ABCB8: variants seen among roughly 807,000 people sequenced by gnomAD.
The protein encoded by ABCB8 is mitochondrial potassium channel ATP-binding subunit.
ABCB8 carries 52 observed loss-of-function variants against 73.0 expected under a neutral mutation model. The ratio of observed to expected loss-of-function variants is 0.71; its 90% CI spans 0.57 to 0.90. The LOEUF is 0.90. ABCB8 is among the 40% of genes least tolerant of loss of function. The pLI is 0.00. For missense variants in ABCB8, 909 were observed against 974.6 expected, an observed-to-expected ratio of 0.93 and a Z score of 0.90; for synonymous variants, 428 against 423.5, an observed-to-expected ratio of 1.01 and a Z score of -0.13.
intron 14 of ABCB8, among the ~76,000 whole-genome samples, chr7:151,042,659 C>T (rs1796499802): frequency 6.6e-6 from 1 of 152,250 alleles, no homozygotes; most frequent in African/African-American, 2.4e-5. Context: ...CACCTTGCAG[C>T]TTGACGTGCG....
chr7:151,031,416 CAG>C (rs1796159246), intron 1 of ABCB8: 3 of 1,309,214 alleles, frequency 2.3e-6, no homozygotes, highest in Non-Finnish European at 3.1e-6. Context: ...TTCCTGAAAG[CAG>C]GGGAAGGATG....
At chr7:151,031,906 G>A (rs746465137) in intron 1 of ABCB8, among the ~76,000 whole-genome samples, 2 of 152,140 alleles carry the variant, frequency 1.3e-5, no homozygotes, top group Admixed American at 6.5e-5. Context: ...GAGCCACTGC[G>A]CCCGGCCATG....
At chr7:151,033,581 A>C in intron 1 of ABCB8, 24 bp from the exon 2 acceptor site, 1 of 1,532,190 alleles carries the variant, frequency 6.5e-7, no homozygotes, top group Non-Finnish European at 8.8e-7. Flanking sequence ...GCCTCAAGCC[A>C]TCCATGCCTC....
At chr7:151,037,771 G>C (rs1447569947) in intron 9 of ABCB8, 1 of 204,522 alleles carries the variant, frequency 4.9e-6, no homozygotes, top group East Asian at 1.3e-4. Flanking sequence ...CTCACTGCAG[G>C]GTGTACTGTC....
At position 151,045,694 on chromosome 7, in the gene ABCB8, CA is replaced by C; in HGVS notation, c.*346del. ...GACGTTCTGGCCAGTCTCCCTGCCC[CA>C]CCCAGCAGCTTCAAATTGGCCAGGC... On this transcript the variant is annotated 3_prime_UTR_variant, in exon 16 of 16. Coordinates refer to ENST00000358849, the MANE Select transcript of ABCB8 (RefSeq NM_007188.5). 4.3e-6 allele frequency: 1 copy of C among 234,644 alleles called. No homozygotes were observed. Among genetic ancestry groups the C allele is most frequent in the Non-Finnish European group, 8.2e-6 (1 of 122,192 alleles). 14.5% of individuals were successfully genotyped at this position (234,644 alleles called of 1,614,324 possible).
chr7:151,035,206 C>T (rs1397413556), intron 5 of ABCB8, among the ~76,000 whole-genome samples: 1 of 152,240 alleles, frequency 6.6e-6, no homozygotes, highest in South Asian at 2.1e-4. Flanking sequence ...CAGATGCCCT[C>T]CCCTTATCCG....
chr7:151,041,961 G>T lies in ABCB8; in HGVS notation c.1618G>T (p.Glu540Ter). The T allele has an allele frequency of 1.9e-6, 3 of 1,612,364 alleles. No individual in the cohort carries two copies. Among genetic ancestry groups the T allele is most frequent in the Non-Finnish European group, 2.5e-6 (3 of 1,179,936 alleles). The change falls in exon 14 of 16, where the codon GAG (glutamate) becomes TAG (stop). Residue 540 changes from glutamate (E) to a stop codon, truncating the protein, a stop_gained and splice_region_variant. Coordinates refer to ENST00000358849, the MANE Select transcript of ABCB8 (RefSeq NM_007188.5). LOFTEE classifies it high-confidence loss of function. The stretch of plus-strand genomic sequence containing the variant: ...TGTCTCCATAACCCCTCACCCACAG[G>T]AGCCCGTCCTGTTTGGGACGACCAT... Reference protein sequence around the residue: ...RGQVVGFISQEPVLFGTTIME... With the variant: ...RGQVVGFISQ
intron 9 of ABCB8, 63 bp from the exon 10 acceptor site, chr7:151,040,205 C>T (rs982554935): frequency 4.4e-6 from 7 of 1,587,478 alleles, no homozygotes; most frequent in Middle Eastern, 1.7e-4. Context: ...ACCGTGGCTT[C>T]CTTCCCCTCC....
intron 1 of ABCB8, chr7:151,029,001 G>A: frequency 8.2e-7 from 1 of 1,214,636 alleles, no homozygotes; most frequent in South Asian, 1.4e-5. Context: ...AGTCGAAGAA[G>A]AACTAGAGAT....
chr7:151,044,437 A>G (rs1796560990), intron 15 of ABCB8, among the ~76,000 whole-genome samples: 1 of 152,172 alleles, frequency 6.6e-6, no homozygotes, highest in African/African-American at 2.4e-5. Context: ...CCCCTGGGAT[A>G]GTATAATTGC....
chr7:151,028,497 C>G lies in ABCB8; in HGVS notation c.-19C>G. ...GGTGAAACTGCTATTGCCGGCGGCT[C>G]CTGTTTTACCGCGTCAGCATGCTGG... is the stretch of plus-strand genomic sequence containing the variant. On this transcript the variant is annotated 5_prime_UTR_variant, in exon 1 of 16. Transcript: ENST00000358849. 1 of 1,608,940 alleles carries G rather than the reference C, an allele frequency of 6.2e-7. No individual in the cohort carries two copies.
At position 151,041,901 on chromosome 7, in the gene ABCB8, A is replaced by G. The variant is rs2117236401; in HGVS notation, c.1618-60A>G. 1.9e-6 allele frequency: 3 copies of G among 1,586,832 alleles called. No homozygotes were observed. The South Asian group carries it at 3.3e-5, about 18-fold the overall frequency. ...TCCCATTGTGTATGGTGGCCCCTCCAGTTTCTGGGGCAAAGAGAATGTTTC... is the reference window on the plus strand; with the variant it reads ...TCCCATTGTGTATGGTGGCCCCTCCGGTTTCTGGGGCAAAGAGAATGTTTC... On this transcript the variant is annotated intron_variant, in intron 13 of 15. Coordinates refer to ENST00000358849, the MANE Select transcript of ABCB8 (RefSeq NM_007188.5).
At chr7:151,036,461 C>A in intron 8 of ABCB8, 83 bp from the exon 9 acceptor site, 1 of 1,257,408 alleles carries the variant, frequency 8.0e-7, no homozygotes, top group Non-Finnish European at 1.2e-6. Context: ...TCACCTGACT[C>A]TCCCAGTCAG....
chr7:151,035,485 G>A (rs1299866396), intron 5 of ABCB8, 96 bp from the exon 6 acceptor site: 43 of 1,409,282 alleles, frequency 3.1e-5, no homozygotes, highest in Middle Eastern at 2.6e-4. Flanking sequence ...GGCCTTGGCC[G>A]TGGGAGTGCA....
At chr7:151,036,399 C>T (rs1796309688) in intron 8 of ABCB8, 145 bp from the exon 9 acceptor site, 2 of 864,392 alleles carry the variant, frequency 2.3e-6, no homozygotes, top group Admixed American at 2.0e-5. Context: ...GGCGTGCCCA[C>T]CCCAACTTGC....
chr7:151,031,152 G>A (rs1317168797), intron 1 of ABCB8: 4 of 848,784 alleles, frequency 4.7e-6, no homozygotes, highest in South Asian at 3.0e-5. Context: ...GGGCATGCAT[G>A]TGCTCAACAA....
intron 5 of ABCB8, 136 bp downstream of exon 5, chr7:151,034,965 G>C: frequency 1.4e-6 from 1 of 735,452 alleles, no homozygotes; most frequent in South Asian, 1.8e-5. Flanking sequence ...CTGCCTGTGA[G>C]GGCATGGGTG....
At chr7:151,028,890 G>A in intron 1 of ABCB8, 1 of 1,489,758 alleles carries the variant, frequency 6.7e-7, no homozygotes. Flanking sequence ...CCGACCGGGG[G>A]TCCCCTTTCC....
At chr7:151,038,363 A>G (rs1796366546) in intron 9 of ABCB8, 1 of 152,198 alleles carries the variant, frequency 6.6e-6, no homozygotes, top group African/African-American at 2.4e-5. Flanking sequence ...TCTACTAAAA[A>G]TACAAAAATT....
Sources: gnomAD v4.1 joint callset for allele counts (sites outside exome capture counted in the v4.1 genomes callset) on GRCh38, gnomAD v4.1.1 for gene constraint, MANE v1.5 for transcripts, NCBI Gene and HGNC (gene_info 2026-07-23, HGNC 2026-07-21) for gene names.